The following TRPA1 variants were observed in gnomAD, a reference collection of about 807,000 sequenced individuals.
The protein encoded by TRPA1 is transient receptor potential cation channel subfamily A member 1, also known as ankyrin-like with transmembrane domains 1.
Under a neutral mutation model 131.3 loss-of-function variants are expected in TRPA1, and 129 were observed. That is an observed-to-expected ratio of 0.98 (90% confidence interval 0.85 to 1.14). TRPA1 has a LOEUF of 1.14. Among genes scored for constraint, TRPA1 ranks in the 50% most tolerant of loss-of-function variants. The probability of loss-of-function intolerance (pLI) is 0.00; values close to 1 mark genes in which losing one functional copy is unlikely to be tolerated. For missense variants in TRPA1, 1,304 were observed against 1,354.2 expected (o/e 0.96, Z 0.58); for synonymous variants, 441 against 451.7 (o/e 0.98, Z 0.30).
At chr8:72,036,886 G>C (rs1393592841) in intron 20 of TRPA1, among the ~76,000 whole-genome samples, 3 of 152,060 alleles carry the variant, frequency 2.0e-5, no homozygotes, top group African/African-American at 7.2e-5. Flanking sequence ...GACTTAATTA[G>C]GAAATAAAAA....
intron 18 of TRPA1, among the ~76,000 whole-genome samples, chr8:72,039,376 C>A (rs901922193): frequency 6.6e-6 from 1 of 151,962 alleles, no homozygotes; most frequent in African/African-American, 2.4e-5. Context: ...CTTTCCATGC[C>A]CCCAAATATT....
At chr8:72,034,700 T>C (rs1811964747) in intron 21 of TRPA1, among the ~76,000 whole-genome samples, 1 of 152,156 alleles carries the variant, frequency 6.6e-6, no homozygotes. Flanking sequence ...GCTCAGGTGA[T>C]CCTTCTGCCT....
At chr8:72,089,920 CA>C in the TRPA1 span, among the ~76,000 whole-genome samples, 1 of 151,916 alleles carries the variant, frequency 6.6e-6, no homozygotes, top group Non-Finnish European at 1.5e-5. Flanking sequence ...TGGAAAGTTA[CA>C]AGATATTGAA....
chr8:72,024,941 A>C (rs549787613), intron 25 of TRPA1, among the ~76,000 whole-genome samples: 91 of 152,314 alleles, frequency 6.0e-4, no homozygotes, highest in African/African-American at 2.0e-3. Context: ...AGAACTCAGG[A>C]AGAACAGTCG....
chr8:72,061,565 G>C, intron 7 of TRPA1, 60 bp downstream of exon 7: 1 of 1,602,640 alleles, frequency 6.2e-7, no homozygotes. Context: ...TCCTTGCAAT[G>C]TCTAATTTCA....
intron 15 of TRPA1, among the ~76,000 whole-genome samples, chr8:72,050,043 A>G (rs1036717608): frequency 4.6e-5 from 7 of 151,998 alleles, no homozygotes; most frequent in Non-Finnish European, 1.0e-4. Flanking sequence ...TGCTGCACCC[A>G]TTAACTTGTC....
At position 72,075,313 on chromosome 8, in the gene TRPA1, T is replaced by C; in HGVS notation, c.97A>G (p.Lys33Glu). 1 of 1,613,266 alleles carries C rather than the reference T, an allele frequency of 6.2e-7. No individual in the cohort carries two copies. Among genetic ancestry groups the C allele is most frequent in the Non-Finnish European group, 8.5e-7 (1 of 1,179,638 alleles). Reference sequence around the variant, plus strand: ...CCCCAGAGTACCTTAAGCGATTCCTTGAAATCCTCCGTGTCGTCCGGCACA... The same window carrying C: ...CCCCAGAGTACCTTAAGCGATTCCTCGAAATCCTCCGTGTCGTCCGGCACA... ...EDVPDDTEDFKESLKVVFEGS... is the reference protein window; with the variant it reads ...EDVPDDTEDFEESLKVVFEGS... The change falls in exon 1 of 27, where the codon AAG (lysine) becomes GAG (glutamate). Residue 33 changes from lysine to glutamate, a missense_variant. Physicochemically the swap from Lys to Glu is moderately conservative, Grantham distance 56. Coordinates refer to ENST00000262209, the MANE Select transcript of TRPA1 (RefSeq NM_007332.3).
chr8:72,061,413 G>T (rs1016776362), intron 7 of TRPA1, among the ~76,000 whole-genome samples: 1 of 152,144 alleles, frequency 6.6e-6, no homozygotes, highest in Non-Finnish European at 1.5e-5. Flanking sequence ...TGCCACAGGT[G>T]ATTTTATTTT....
chr8:72,047,110 A>C, intron 16 of TRPA1, 38 bp downstream of exon 16: 1 of 1,462,386 alleles, frequency 6.8e-7, no homozygotes, highest in Non-Finnish European at 9.6e-7. Context: ...GAATTATAAC[A>C]AAATAAATTT....
intron 7 of TRPA1, 69 bp from the exon 8 acceptor site, chr8:72,059,507 G>C (rs956273904): frequency 6.3e-6 from 6 of 959,510 alleles, no homozygotes; most frequent in Non-Finnish European, 8.0e-6. Context: ...ATTTAATAAA[G>C]CTACTATATT....
At position 72,034,279 on chromosome 8, in the gene TRPA1, C is replaced by A. The variant is rs1001380518; in HGVS notation, c.2654G>T (p.Gly885Val). Residue 885 changes from glycine (G) to valine (V), a missense_variant, in exon 22 of 27, where the codon GGA becomes GTA. Transcript: ENST00000262209. ...ATTCAGGAGGATGTAAAAGCTGAGTCCAAAAGCCAGAAGAAGGAAGATAAA... is the reference window on the plus strand; with the variant it reads ...ATTCAGGAGGATGTAAAAGCTGAGTACAAAAGCCAGAAGAAGGAAGATAAA... ...VVFIFLLLAF[G>V]LSFYILLNLQ... 6.8e-6 allele frequency: 11 copies of A among 1,608,498 alleles called. No individual in the cohort carries two copies. The highest frequency in any genetic ancestry group is 9.3e-6 in the Non-Finnish European group (11 of 1,178,088).
At chr8:72,050,589 A>G (rs1041640628) in intron 15 of TRPA1, among the ~76,000 whole-genome samples, 189 bp downstream of exon 15, 1 of 152,190 alleles carries the variant, frequency 6.6e-6, no homozygotes, top group African/African-American at 2.4e-5. Flanking sequence ...ATTCTCTATT[A>G]CATATAATAA....
chr8:72,084,414 A>G, the TRPA1 span, among the ~76,000 whole-genome samples: 3 of 139,494 alleles, frequency 2.2e-5, no homozygotes, highest in Admixed American at 2.1e-4. Flanking sequence ...AATTTGTAAG[A>G]TTTTTTTTAT....
intron 6 of TRPA1, chr8:72,062,379 C>G (rs1196258646): frequency 5.3e-6 from 1 of 188,688 alleles, no homozygotes; most frequent in Non-Finnish European, 1.1e-5. Context: ...AGATCCCAAA[C>G]ACAGTCAACA....
At chr8:72,049,575 A>T (rs989971118) in intron 15 of TRPA1, among the ~76,000 whole-genome samples, 2 of 152,064 alleles carry the variant, frequency 1.3e-5, no homozygotes, top group African/African-American at 4.8e-5. Flanking sequence ...ACTTTCCCAG[A>T]TTGCTTATTT....
chr8:72,039,895 A>T, intron 17 of TRPA1, 98 bp from the exon 18 acceptor site: 2 of 840,892 alleles, frequency 2.4e-6, no homozygotes, highest in Non-Finnish European at 4.0e-6. Flanking sequence ...TGTGTTTGGT[A>T]TTGTAAAAGT....
At chr8:72,045,876 T>G (rs1016606704) in intron 17 of TRPA1, among the ~76,000 whole-genome samples, 1 of 152,022 alleles carries the variant, frequency 6.6e-6, no homozygotes, top group Non-Finnish European at 1.5e-5. Flanking sequence ...TAATAGCTAC[T>G]TTTTAAAAGG....
At chr8:72,061,401 T>C (rs1805804133) in intron 7 of TRPA1, among the ~76,000 whole-genome samples, 1 of 152,190 alleles carries the variant, frequency 6.6e-6, no homozygotes, top group African/African-American at 2.4e-5. Context: ...TGAATCAGAA[T>C]ATGCCACAGG....
chr8:72,029,457 T>C (rs546585613), intron 24 of TRPA1, among the ~76,000 whole-genome samples: 4 of 152,332 alleles, frequency 2.6e-5, no homozygotes, highest in Non-Finnish European at 4.4e-5. Flanking sequence ...ATGTGACTCC[T>C]CAGGATTAAG....
Sources: gnomAD v4.1 joint callset for allele counts (sites outside exome capture counted in the v4.1 genomes callset) on GRCh38, gnomAD v4.1.1 for gene constraint, MANE v1.5 for transcripts, NCBI Gene and HGNC (gene_info 2026-07-23, HGNC 2026-07-21) for gene names.